Variants in SH3RF3 observed in about 807,000 individuals in gnomAD.
The protein encoded by SH3RF3 is E3 ubiquitin-protein ligase SH3RF3.
SH3RF3 carries 29 observed loss-of-function variants against 66.3 expected under a neutral mutation model. The observed-to-expected ratio is 0.44, with a 90% CI of 0.33 to 0.60. The LOEUF is 0.60. Ranked by LOEUF, SH3RF3 falls within the 20% of genes least tolerant of loss-of-function variation. SH3RF3 has a pLI of 0.04. For missense variants in SH3RF3, 1,194 were observed against 1,190.9 expected (o/e 1.00, Z -0.04); for synonymous variants, 583 against 532.0 (o/e 1.10, Z -1.32).
chr2:109,373,181 G>C (rs112372921), intron 3 of SH3RF3, among the ~76,000 whole-genome samples: 1 of 152,306 alleles, frequency 6.6e-6, no homozygotes, highest in African/African-American at 2.4e-5. Context: ...AAGTTTCCAT[G>C]TATTTGCACA....
intron 2 of SH3RF3, among the ~76,000 whole-genome samples, chr2:109,357,073 A>G (rs1682960719): frequency 6.6e-6 from 1 of 151,192 alleles, no homozygotes; most frequent in African/African-American, 2.4e-5. Flanking sequence ...TTTTTTTATT[A>G]TGTTATATAT....
chr2:109,236,295 T>C (rs951713859), intron 1 of SH3RF3, among the ~76,000 whole-genome samples: 5 of 152,212 alleles, frequency 3.3e-5, no homozygotes, highest in African/African-American at 1.2e-4. Context: ...TGTTTCTGCA[T>C]GCAGTGTCGG....
At chr2:109,427,412 TG>T (rs1215809954) in intron 5 of SH3RF3, among the ~76,000 whole-genome samples, 2 of 152,214 alleles carry the variant, frequency 1.3e-5, no homozygotes, top group African/African-American at 4.8e-5. Context: ...TTGCAATATT[TG>T]CTCTATTGGG....
intron 1 of SH3RF3, among the ~76,000 whole-genome samples, chr2:109,211,624 C>G (rs1003890919): frequency 6.6e-6 from 1 of 151,358 alleles, no homozygotes; most frequent in Non-Finnish European, 1.5e-5. Context: ...CACATGAGCC[C>G]TTCGGCCCTT....
In SH3RF3 at chr2:109,438,560, T is replaced by C. The variant is rs144057560; in HGVS notation, c.1828+1414T>C. Reference sequence around the variant, plus strand: ...TGTAAGTCTCTACTAGTATCTTTTTTACTTAAATCAGCTAAGAATGATTCT... The same window carrying C: ...TGTAAGTCTCTACTAGTATCTTTTTCACTTAAATCAGCTAAGAATGATTCT... On this transcript the variant is annotated intron_variant, in intron 7 of 9. Coordinates refer to ENST00000309415, the MANE Select transcript of SH3RF3 (RefSeq NM_001099289.3). Among the ~76,000 whole-genome samples, 9 of 152,332 alleles carry C rather than the reference T, an allele frequency of 5.9e-5. No individual in the cohort carries two copies. In the East Asian group the frequency reaches 1.7e-3, roughly 29 times the overall value.
At chr2:109,160,427 C>T (rs1176139890) in intron 1 of SH3RF3, among the ~76,000 whole-genome samples, 1 of 152,232 alleles carries the variant, frequency 6.6e-6, no homozygotes, top group African/African-American at 2.4e-5. Flanking sequence ...GGTAGCCATG[C>T]AGCCTTGTGC....
chr2:109,404,916 C>G (rs1270895316), intron 4 of SH3RF3, among the ~76,000 whole-genome samples: 1 of 152,106 alleles, frequency 6.6e-6, no homozygotes, highest in Non-Finnish European at 1.5e-5. Context: ...CTGAACCTGT[C>G]CCCTTTGATC....
At chr2:109,136,177 T>C (rs1184185649) in intron 1 of SH3RF3, among the ~76,000 whole-genome samples, 1 of 152,158 alleles carries the variant, frequency 6.6e-6, no homozygotes, top group African/African-American at 2.4e-5. Flanking sequence ...GTTTGATCTG[T>C]ATTTAATCTC....
intron 1 of SH3RF3, among the ~76,000 whole-genome samples, chr2:109,155,601 G>T (rs748291153): frequency 6.6e-6 from 1 of 152,046 alleles, no homozygotes; most frequent in African/African-American, 2.4e-5. Flanking sequence ...GTGCCTGGCC[G>T]GATCTTTGTT....
At chr2:109,264,037 G>C (rs541677881) in intron 1 of SH3RF3, among the ~76,000 whole-genome samples, 19 of 152,336 alleles carry the variant, frequency 1.2e-4, no homozygotes, top group Non-Finnish European at 2.2e-4. Flanking sequence ...AGCCCTACAT[G>C]GTTTGCAAAA....
At chr2:109,138,891 C>G (rs1204420567) in intron 1 of SH3RF3, among the ~76,000 whole-genome samples, 1 of 152,168 alleles carries the variant, frequency 6.6e-6, no homozygotes, top group African/African-American at 2.4e-5. Flanking sequence ...TTCACAAAAC[C>G]AGAAGTGATC....
chr2:109,346,540 T>C, intron 1 of SH3RF3, among the ~76,000 whole-genome samples: 1 of 152,108 alleles, frequency 6.6e-6, no homozygotes, highest in Non-Finnish European at 1.5e-5. Flanking sequence ...TAGCACAGGA[T>C]TGACCTCTGG....
chr2:109,441,031 A>G (rs771177669), intron 7 of SH3RF3, among the ~76,000 whole-genome samples: 7 of 151,848 alleles, frequency 4.6e-5, no homozygotes, highest in Non-Finnish European at 5.9e-5. Context: ...CACTGTTCCA[A>G]TTTCACCCAA....
intron 3 of SH3RF3, among the ~76,000 whole-genome samples, chr2:109,390,208 A>G (rs1202434764): frequency 6.6e-6 from 1 of 152,234 alleles, no homozygotes; most frequent in Non-Finnish European, 1.5e-5. Flanking sequence ...AAAGTGGAGA[A>G]TAAGTGATGC....
At chr2:109,343,419 C>T (rs1236386649) in intron 1 of SH3RF3, among the ~76,000 whole-genome samples, 1 of 151,998 alleles carries the variant, frequency 6.6e-6, no homozygotes, top group Admixed American at 6.5e-5. Flanking sequence ...AGGTTCATTC[C>T]CCCTCTTGGT....
Position 109,447,405 on chromosome 2 carries a change from G to A in SH3RF3, c.1829-1765G>A, listed in dbSNP as rs367878139. Among the ~76,000 whole-genome samples, 7 of 152,242 alleles carry A rather than the reference G, an allele frequency of 4.6e-5. No homozygotes were observed. The East Asian group carries it at 7.7e-4, about 17-fold the overall frequency. ...GCCTCCAAACGCTGTTAGGATTAAC[G>A]AGTGCATAGTTGGGGGCTGAGAAGA... On this transcript the variant is annotated intron_variant, in intron 7 of 9. Transcript: ENST00000309415.
chr2:109,449,095 A>T, intron 7 of SH3RF3, 75 bp from the exon 8 acceptor site: 5 of 1,513,718 alleles, frequency 3.3e-6, no homozygotes, highest in Non-Finnish European at 4.5e-6. Flanking sequence ...CTGAGTGTGC[A>T]TTGCAGCTGC....
chr2:109,358,519 G>A (rs181745464), intron 2 of SH3RF3, among the ~76,000 whole-genome samples: 7 of 152,266 alleles, frequency 4.6e-5, no homozygotes, highest in Admixed American at 3.3e-4. Context: ...TCTGCCAGCC[G>A]TGAATGAGCG....
intron 1 of SH3RF3, among the ~76,000 whole-genome samples, chr2:109,323,360 T>C (rs1682074856): frequency 6.6e-6 from 1 of 152,190 alleles, no homozygotes; most frequent in South Asian, 2.1e-4. Flanking sequence ...ACTCCAGCTA[T>C]AGGATCCACA....
Sources: gnomAD v4.1 joint callset for allele counts (sites outside exome capture counted in the v4.1 genomes callset) on GRCh38, gnomAD v4.1.1 for gene constraint, MANE v1.5 for transcripts, NCBI Gene and HGNC (gene_info 2026-07-23, HGNC 2026-07-21) for gene names.